The following ATXN7L3 variants were observed in gnomAD, a reference collection of about 807,000 sequenced individuals.
The protein encoded by ATXN7L3 is ataxin-7-like protein 3.
A neutral mutation model predicts 50.0 loss-of-function variants in ATXN7L3; 6 were observed. That is an observed-to-expected ratio of 0.12 (90% CI 0.07 to 0.24). ATXN7L3 has a LOEUF of 0.24. Among genes scored for constraint, ATXN7L3 ranks in the 10% least tolerant of loss-of-function variants. The probability of loss-of-function intolerance (pLI) is 1.00; values close to 1 mark genes in which losing one functional copy is unlikely to be tolerated. For synonymous variants in ATXN7L3, 198 were observed against 165.8 expected, an observed-to-expected ratio of 1.19 and a Z score of -1.49; for missense variants, 322 against 451.3, an observed-to-expected ratio of 0.71 and a Z score of 2.60.
chr17:44,199,884 C>CGCGAGCGT (rs2056082851), upstream of ATXN7L3: 1 of 149,586 alleles, frequency 6.7e-6, no homozygotes, highest in African/African-American at 2.5e-5. Context: ...CGAGCGTGAA[C>CGCGAGCGT]GCGAGCGTGC....
chr17:44,196,226 TC>T, intron 6 of ATXN7L3, 147 bp from the exon 7 acceptor site: 1 of 737,702 alleles, frequency 1.4e-6, no homozygotes. Context: ...CCATGTGCCC[TC>T]CCCCACCCCC....
At chr17:44,195,325 A>C in intron 9 of ATXN7L3, 94 bp downstream of exon 9, 1 of 1,423,272 alleles carries the variant, frequency 7.0e-7, no homozygotes, top group African/African-American at 1.4e-5. Flanking sequence ...TACGGCCCTG[A>C]CTGCTAGGTC....
rs2055758696 is a variant in ATXN7L3 at position 44,193,211 on chromosome 17, C to T, written c.*1052G>A. On this transcript the variant is annotated 3_prime_UTR_variant, in exon 13 of 13. Coordinates refer to ENST00000587097, the MANE Select transcript of ATXN7L3 (RefSeq NM_001382309.1). ...CAAACCACAAGTACAGAATAAATAA[C>T]TTAAAAGCGCTAAGGAAGGGAAACA... 2.0e-5 allele frequency: 3 copies of T among 152,092 alleles called. No homozygotes were observed. The allele number at this position is 152,092 out of a possible 1,614,324, so 9.4% of individuals were successfully genotyped here.
chr17:44,194,239 C>G lies in ATXN7L3; in HGVS notation c.*24G>C, dbSNP rs1223601061. On this transcript the variant is annotated 3_prime_UTR_variant, in exon 13 of 13. Transcript: ENST00000587097. ...GTCAGGAGAGAGGGCTCTGCTCAGC[C>G]AAAGGCTATCCCTTGCACCCAAGTC... 1 of 1,612,914 alleles carries G rather than the reference C, an allele frequency of 6.2e-7. No individual in the cohort carries two copies. The highest frequency in any genetic ancestry group is 2.2e-5 in the East Asian group (1 of 44,874).
At position 44,194,609 on chromosome 17, in the gene ATXN7L3, A is replaced by G. The variant is rs2055816107; in HGVS notation, c.803T>C (p.Leu268Pro). ...DSFDMTDSQALISRLQWDGSS... is the reference protein window; with the variant it reads ...DSFDMTDSQAPISRLQWDGSS... ...GCCGTCCCACTGAAGCCGGCTGATC[A>G]GGGCCTGGCTGTCAGTCATGTCAAA... Residue 268 changes from leucine to proline, a missense_variant, in exon 12 of 13, where the codon CTG (leucine) becomes CCG (proline). This residue lies in a region of ATXN7L3 where 122 missense variants were observed against 130.8 expected (regional missense o/e 0.93). Transcript: ENST00000587097. The G allele has an allele frequency of 6.2e-7, 1 of 1,613,822 alleles. No homozygotes were observed. Among genetic ancestry groups the G allele is most frequent in the African/African-American group, 1.3e-5 (1 of 74,906 alleles).
rs1243688575 is a variant in ATXN7L3, at chr17:44,194,938, A to C, written c.666-99T>G. 3 of 1,497,914 alleles carry C rather than the reference A, an allele frequency of 2.0e-6. No individual in the cohort carries two copies. In the African/African-American group the frequency reaches 4.2e-5, roughly 21 times the overall value. 92.8% of individuals were successfully genotyped at this position (1,497,914 alleles called of 1,614,324 possible). On this transcript the variant is annotated intron_variant, in intron 10 of 12. Coordinates refer to ENST00000587097, the MANE Select transcript of ATXN7L3 (RefSeq NM_001382309.1). ...ACAGGCACAGACAGGGAAGGGGTGA[A>C]TGCAGATTCATCCCCAGATTGTGGC... is the stretch of plus-strand genomic sequence containing the variant.
chr17:44,195,462 T>A lies in ATXN7L3; in HGVS notation c.578A>T (p.Tyr193Phe). 5 of 1,614,102 alleles carry A rather than the reference T, an allele frequency of 3.1e-6. No homozygotes were observed. The highest frequency in any genetic ancestry group is 4.2e-6 in the Non-Finnish European group (5 of 1,179,988). ...AAGCTCCTCCGGCCCCAGGGTCTCATAGCTGATCCCAGTTGAATTGTTATA... is the reference window on the plus strand; with the variant it reads ...AAGCTCCTCCGGCCCCAGGGTCTCAAAGCTGATCCCAGTTGAATTGTTATA... ...FKYNNSTGISYETLGPEELRS... is the reference protein window; with the variant it reads ...FKYNNSTGISFETLGPEELRS... Residue 193 changes from tyrosine to phenylalanine, a missense_variant, in exon 9 of 13, where the codon TAT (tyrosine) becomes TTT (phenylalanine). Transcript: ENST00000587097.
chr17:44,197,450 G>A (rs2055950837), intron 3 of ATXN7L3, 51 bp from the exon 4 acceptor site: 2 of 1,571,700 alleles, frequency 1.3e-6, no homozygotes, highest in Non-Finnish European at 1.7e-6. Flanking sequence ...CTCTCCTCTT[G>A]TTCCCACCTG....
chr17:44,192,084 C>G lies in ATXN7L3; in HGVS notation c.*2179G>C, dbSNP rs949882810. 1 of 152,546 alleles carries G rather than the reference C, an allele frequency of 6.6e-6. No individual in the cohort carries two copies. Among genetic ancestry groups the G allele is most frequent in the African/African-American group, 2.4e-5 (1 of 41,398 alleles). The allele number at this position is 152,546 out of a possible 1,614,324, so 9.4% of individuals were successfully genotyped here. A position where few individuals can be genotyped will look rare whatever the true frequency, so the allele number is the denominator to read the frequency against. ...CAGAACCCCCCCACACACACTCAGA[C>G]ACAGGATACAGGGTGGACGACACCT... On this transcript the variant is annotated 3_prime_UTR_variant, in exon 13 of 13. Coordinates refer to ENST00000587097, the MANE Select transcript of ATXN7L3 (RefSeq NM_001382309.1).
chr17:44,194,624 G>A lies in ATXN7L3; in HGVS notation c.788C>T (p.Thr263Ile). The A allele has an allele frequency of 6.2e-7, 1 of 1,613,972 alleles. No homozygotes were observed. Among genetic ancestry groups the A allele is most frequent in the East Asian group, 2.2e-5 (1 of 44,880 alleles). Residue 263 changes from threonine (T) to isoleucine (I), a missense_variant, in exon 12 of 13, where the codon ACT (threonine) becomes ATT (isoleucine). Thr to Ile is a moderately conservative substitution (Grantham distance 89). Around this residue, in one of 5 missense-constraint regions of ATXN7L3, gnomAD observed 122 missense variants for 130.8 expected, o/e 0.93. Coordinates refer to ENST00000587097, the MANE Select transcript of ATXN7L3 (RefSeq NM_001382309.1). ...CCGGCTGATCAGGGCCTGGCTGTCA[G>A]TCATGTCAAAGCTGTCATTATCCAG... ...SSLDNDSFDM[T>I]DSQALISRLQ...
chr17:44,198,767 G>C (rs1293332468), intron 1 of ATXN7L3: 1 of 152,560 alleles, frequency 6.6e-6, no homozygotes, highest in Non-Finnish European at 1.5e-5. Context: ...AGCCTGGTAG[G>C]GTGGCACGCC....
chr17:44,198,199 C>T, intron 1 of ATXN7L3, 69 bp from the exon 2 acceptor site: 1 of 848,134 alleles, frequency 1.2e-6, no homozygotes, highest in Non-Finnish European at 1.9e-6. Flanking sequence ...CCTTCCCTCC[C>T]CACCTCGCTG....
At chr17:44,198,355 G>C (rs2056000032) in intron 1 of ATXN7L3, 1 of 427,262 alleles carries the variant, frequency 2.3e-6, no homozygotes, top group African/African-American at 2.0e-5. Flanking sequence ...CTGCCAATCA[G>C]AGTCTGGGTC....
chr17:44,196,480 C>G lies in ATXN7L3; in HGVS notation c.455-62G>C. 1 of 1,607,820 alleles carries G rather than the reference C, an allele frequency of 6.2e-7. No individual in the cohort carries two copies. The highest frequency in any genetic ancestry group is 8.5e-7 in the Non-Finnish European group (1 of 1,174,676). On this transcript the variant is annotated intron_variant, in intron 5 of 12. Coordinates refer to ENST00000587097, the MANE Select transcript of ATXN7L3 (RefSeq NM_001382309.1). ...TTAAGTTCTCAATCTAAAAGCATCT[C>G]AAGAAAACCATACAACAGGCTGGGC...
At chr17:44,195,685 C>A in intron 8 of ATXN7L3, 115 bp downstream of exon 8, 1 of 1,274,878 alleles carries the variant, frequency 7.8e-7, no homozygotes, top group Non-Finnish European at 1.1e-6. Flanking sequence ...TATGTAAGAT[C>A]CAAATAGCTC....
At chr17:44,194,887 C>G (rs756479733) in intron 10 of ATXN7L3, 48 bp from the exon 11 acceptor site, 1 of 1,599,692 alleles carries the variant, frequency 6.3e-7, no homozygotes. Context: ...TCAGGTAAAG[C>G]CCCTCCCCTC....
chr17:44,198,142 G>A lies in ATXN7L3; in HGVS notation c.-60-12C>T. 6.8e-7 allele frequency: 1 copy of A among 1,479,068 alleles called. No individual in the cohort carries two copies. Among genetic ancestry groups the A allele is most frequent in the Non-Finnish European group, 9.4e-7 (1 of 1,065,992 alleles). 91.6% of individuals were successfully genotyped at this position (1,479,068 alleles called of 1,614,324 possible). A position where few individuals can be genotyped will look rare whatever the true frequency, so the allele number is the denominator to read the frequency against. ...GGGCGGCAACACGGCTGCACACACG[G>A]GGGTGGGGGTGTTGTTGTGAGTCCA... On this transcript the variant is annotated splice_polypyrimidine_tract_variant and intron_variant, in intron 1 of 12. Coordinates refer to ENST00000587097, the MANE Select transcript of ATXN7L3 (RefSeq NM_001382309.1).
chr17:44,196,124 G>T, intron 6 of ATXN7L3, 45 bp from the exon 7 acceptor site: 2 of 1,586,848 alleles, frequency 1.3e-6, no homozygotes, highest in Non-Finnish European at 1.7e-6. Context: ...GTAACGAAAA[G>T]GGGGAGCCGA....
In ATXN7L3 at chr17:44,194,817, T is replaced by C; in HGVS notation, c.688A>G (p.Thr230Ala). ...CGTACGGTTCGCCTCTGCTCATCTGTGTGCTGTGGGCAGCGCAGGGACCTG... is the reference window on the plus strand; with the variant it reads ...CGTACGGTTCGCCTCTGCTCATCTGCGTGCTGTGGGCAGCGCAGGGACCTG... ...CTRSLRCPQH[T>A]DEQRRTVRIY... The change falls in exon 11 of 13, where the codon ACA (threonine) becomes GCA (alanine). Residue 230 changes from threonine (T) to alanine (A), a missense_variant. Thr to Ala is a moderately conservative substitution (Grantham distance 58, BLOSUM62 0). Transcript: ENST00000587097. 1 of 1,614,136 alleles carries C rather than the reference T, an allele frequency of 6.2e-7. No homozygotes were observed. Among genetic ancestry groups the C allele is most frequent in the Non-Finnish European group, 8.5e-7 (1 of 1,180,014 alleles).
Sources: allele counts gnomAD v4.1 joint callset, GRCh38; gene constraint gnomAD v4.1.1; regional missense constraint gnomAD v4.1.1; transcripts MANE v1.5; gene names NCBI Gene and HGNC (gene_info 2026-07-23, HGNC 2026-07-21).